Variants in HMGCLL1 observed in about 807,000 individuals in gnomAD.
The protein encoded by HMGCLL1 is 3-hydroxy-3-methylglutaryl-CoA lyase like 1.
HMGCLL1 carries 36 observed loss-of-function variants against 39.1 expected under a neutral mutation model. The observed-to-expected ratio is 0.92, with a 90% CI of 0.71 to 1.22. The LOEUF (loss-of-function observed/expected upper bound fraction) is 1.22, where lower values mean the gene tolerates loss of function less well. Among genes scored for constraint, HMGCLL1 ranks in the 50% most tolerant of loss-of-function variants. HMGCLL1 has a pLI of 0.00. For synonymous variants in HMGCLL1, 149 were observed against 144.0 expected (o/e 1.03, Z -0.25); for missense variants, 451 against 416.5 (o/e 1.08, Z -0.72).
At chr6:55,527,527 TG>T in intron 3 of HMGCLL1, among the ~76,000 whole-genome samples, 1 of 152,166 alleles carries the variant, frequency 6.6e-6, no homozygotes. Context: ...CCCCATTTTG[TG>T]GTCTTGAACC....
chr6:55,570,738 T>C (rs1771437018), intron 1 of HMGCLL1, among the ~76,000 whole-genome samples: 1 of 152,198 alleles, frequency 6.6e-6, no homozygotes, highest in African/African-American at 2.4e-5. Flanking sequence ...GGGCTTATTA[T>C]TTTTTGTGGC....
chr6:55,619,505 T>G, the HMGCLL1 span, among the ~76,000 whole-genome samples: 1 of 152,098 alleles, frequency 6.6e-6, no homozygotes, highest in South Asian at 2.1e-4. Flanking sequence ...TTATATTTAT[T>G]TGGTTCTTCA....
At chr6:55,492,304 A>T (rs1423292568) in intron 7 of HMGCLL1, among the ~76,000 whole-genome samples, 1 of 152,262 alleles carries the variant, frequency 6.6e-6, no homozygotes, top group East Asian at 1.9e-4. Context: ...CTATTCAAAC[A>T]CTGACAGTTT....
At chr6:55,485,548 ATG>A (rs1370395390) in intron 7 of HMGCLL1, among the ~76,000 whole-genome samples, 1 of 152,106 alleles carries the variant, frequency 6.6e-6, no homozygotes, top group Non-Finnish European at 1.5e-5. Context: ...ATACATATAT[ATG>A]TTAGACACCT....
At chr6:55,479,726 T>C (rs1420455077) in intron 7 of HMGCLL1, among the ~76,000 whole-genome samples, 2 of 151,730 alleles carry the variant, frequency 1.3e-5, no homozygotes, top group Non-Finnish European at 2.9e-5. Context: ...AGCCTGAAGA[T>C]TTAAAGGATA....
chr6:55,643,946 G>A, the HMGCLL1 span, among the ~76,000 whole-genome samples: 3 of 151,988 alleles, frequency 2.0e-5, no homozygotes, highest in Non-Finnish European at 4.4e-5. Flanking sequence ...GGATCATATG[G>A]TAGCTTTATT....
chr6:55,532,230 A>G (rs569889103), intron 3 of HMGCLL1, among the ~76,000 whole-genome samples: 32 of 152,322 alleles, frequency 2.1e-4, no homozygotes, highest in Middle Eastern at 6.8e-3. Context: ...GCTGAGCATA[A>G]TAATCTTCGA....
chr6:55,470,646 T>C (rs1054743283), intron 7 of HMGCLL1, among the ~76,000 whole-genome samples: 1 of 151,786 alleles, frequency 6.6e-6, no homozygotes, highest in Non-Finnish European at 1.5e-5. Flanking sequence ...CCATGCAGTT[T>C]AAGAAATAGG....
intron 4 of HMGCLL1, among the ~76,000 whole-genome samples, chr6:55,514,646 C>T (rs2127436632): frequency 6.6e-6 from 1 of 152,156 alleles, no homozygotes; most frequent in South Asian, 2.1e-4. Context: ...TTTTCCAATT[C>T]ATCATTTAGA....
intron 7 of HMGCLL1, among the ~76,000 whole-genome samples, chr6:55,445,277 T>A (rs1043883127): frequency 2.0e-5 from 3 of 152,032 alleles, no homozygotes; most frequent in African/African-American, 4.8e-5. Context: ...ATGCTCGTTT[T>A]TCTAAACGAG....
chr6:55,512,956 A>T (rs1767538724), intron 5 of HMGCLL1: 1 of 152,116 alleles, frequency 6.6e-6, no homozygotes, highest in South Asian at 2.1e-4. Flanking sequence ...AGAAACAAAC[A>T]CACACAAAAA....
Position 55,516,488 on chromosome 6 carries a change from G to C in HMGCLL1, c.393+20C>G. ...CGATAAGAGGCCTATCAATTTTAGA[G>C]ATATTAGTAGCACACTTACAGCATG... On this transcript the variant is annotated intron_variant, in intron 4 of 8. Coordinates refer to ENST00000274901, the MANE Select transcript of HMGCLL1 (RefSeq NM_001042406.2). The C allele has an allele frequency of 2.0e-6, 3 of 1,500,944 alleles. No homozygotes were observed. In the Admixed American group the frequency reaches 5.1e-5, roughly 26 times the overall value. The allele number at this position is 1,500,944 out of a possible 1,614,324, so 93.0% of individuals were successfully genotyped here. A position where few individuals can be genotyped will look rare whatever the true frequency, so the allele number is the denominator to read the frequency against.
chr6:55,478,427 G>T (rs1257969066), intron 7 of HMGCLL1, among the ~76,000 whole-genome samples: 4 of 151,306 alleles, frequency 2.6e-5, no homozygotes, highest in Non-Finnish European at 5.9e-5. Flanking sequence ...TAGTATATAT[G>T]AATAATCCTA....
chr6:55,520,775 T>C (rs1393839569), intron 3 of HMGCLL1, among the ~76,000 whole-genome samples: 1 of 152,096 alleles, frequency 6.6e-6, no homozygotes, highest in African/African-American at 2.4e-5. Flanking sequence ...TTGCAGTGAT[T>C]TTTTAAATTT....
chr6:55,646,683 C>G, the HMGCLL1 span, among the ~76,000 whole-genome samples: 1 of 151,864 alleles, frequency 6.6e-6, no homozygotes, highest in African/African-American at 2.4e-5. Context: ...TGTTTAATTT[C>G]CATGTGTTTG....
At chr6:55,445,788 G>T (rs954220403) in intron 7 of HMGCLL1, among the ~76,000 whole-genome samples, 2 of 151,976 alleles carry the variant, frequency 1.3e-5, no homozygotes, top group African/African-American at 4.8e-5. Context: ...TGTTTTTGAA[G>T]AAAAGTCCAT....
At chr6:55,621,368 G>A in the HMGCLL1 span, among the ~76,000 whole-genome samples, 1 of 152,054 alleles carries the variant, frequency 6.6e-6, no homozygotes, top group South Asian at 2.1e-4. Context: ...GTTAGAAACT[G>A]GGCAACACAA....
At chr6:55,668,536 G>A in the HMGCLL1 span, among the ~76,000 whole-genome samples, 1 of 151,758 alleles carries the variant, frequency 6.6e-6, no homozygotes, top group Admixed American at 6.6e-5. Context: ...TGAATGTACT[G>A]GACTATGAGG....
At chr6:55,660,576 C>T in the HMGCLL1 span, among the ~76,000 whole-genome samples, 1 of 151,874 alleles carries the variant, frequency 6.6e-6, no homozygotes, top group East Asian at 1.9e-4. Context: ...TGAAGTATTC[C>T]ATAGTGTATA....
Sources: allele counts gnomAD v4.1 joint callset (sites outside exome capture counted in the v4.1 genomes callset), GRCh38; gene constraint gnomAD v4.1.1; transcripts MANE v1.5; gene names NCBI Gene and HGNC (gene_info 2026-07-23, HGNC 2026-07-21).